Variants in KAT6A observed in about 807,000 individuals in gnomAD.
KAT6A encodes the protein histone acetyltransferase KAT6A.
Under a neutral mutation model 198.4 loss-of-function variants are expected in KAT6A, and 9 were observed. That is an observed-to-expected ratio of 0.05 (90% CI 0.03 to 0.08). The LOEUF (loss-of-function observed/expected upper bound fraction) is 0.08. Ranked by LOEUF, KAT6A falls within the 10% of genes least tolerant of loss-of-function variation. KAT6A has a pLI of 1.00. For synonymous variants in KAT6A, 890 were observed against 883.0 expected (o/e 1.01, Z -0.14); for missense variants, 2,077 against 2,509.9 (o/e 0.83, Z 3.69).
chr8:42,023,296 TA>T (rs1826639023), intron 2 of KAT6A, among the ~76,000 whole-genome samples: 1 of 152,124 alleles, frequency 6.6e-6, no homozygotes, highest in Non-Finnish European at 1.5e-5. Flanking sequence ...TACTATACAC[TA>T]ATACAAACTT....
Position 41,955,406 on chromosome 8 carries a change from A to G in KAT6A, c.1488T>C (p.Val496=), listed in dbSNP as rs749797033. 47 of 1,602,610 alleles carry G rather than the reference A, an allele frequency of 2.9e-5. No individual in the cohort carries two copies. Among genetic ancestry groups the G allele is most frequent in the Non-Finnish European group, 3.8e-5 (45 of 1,170,882 alleles). The change falls in exon 9 of 17, where the codon GTT becomes GTC. Residue 496 remains valine, a synonymous_variant. Transcript: ENST00000265713. ...GTGGATCAGGGGGACCAGTCACTCC[A>G]ACTTTCTGTGCAGTCAAGAAATACA... The part of the protein sequence containing the change: ...RDIQEQALQK[V]GVTGPPDPQV...
Position 41,943,793 on chromosome 8 carries a change from G to C in KAT6A, c.2183C>G (p.Thr728Ser). ...KLTGICPQDI[T>S]STLHHLRMLD... ...CATTCGTAGGTGGTGGAGTGTGGAA[G>C]TGATGTCTTGAGGGCAGATTCCAGT... The change falls in exon 13 of 17, where the codon ACT becomes AGT. Residue 728 changes from threonine to serine, a missense_variant. By Grantham distance (58) the Thr-to-Ser change is moderately conservative. Around this residue, in one of 13 missense-constraint regions of KAT6A, gnomAD observed 127 missense variants for 209.6 expected, o/e 0.61. Transcript: ENST00000265713. 6.2e-7 allele frequency: 1 copy of C among 1,613,956 alleles called. No individual in the cohort carries two copies. Among genetic ancestry groups the C allele is most frequent in the Middle Eastern group, 1.7e-4 (1 of 6,060 alleles).
At chr8:42,040,020 T>C (rs999030768) in intron 2 of KAT6A, among the ~76,000 whole-genome samples, 52 of 152,170 alleles carry the variant, frequency 3.4e-4, no homozygotes, top group African/African-American at 1.2e-3. Context: ...GTGCTGGGAT[T>C]ATAGGCGTGA....
At chr8:42,039,721 G>GTAT (rs1272403997) in intron 2 of KAT6A, among the ~76,000 whole-genome samples, 3 of 151,912 alleles carry the variant, frequency 2.0e-5, no homozygotes, top group East Asian at 1.9e-4. Flanking sequence ...ATGAAAACTT[G>GTAT]TATTATTATT....
intron 8 of KAT6A, chr8:41,957,409 T>C: frequency 2.5e-6 from 1 of 401,986 alleles, no homozygotes; most frequent in Non-Finnish European, 5.0e-6. Flanking sequence ...CTCATTCCAG[T>C]CCTAGCCAAA....
intron 7 of KAT6A, among the ~76,000 whole-genome samples, chr8:41,975,322 G>A: frequency 6.6e-6 from 1 of 151,972 alleles, no homozygotes; most frequent in East Asian, 1.9e-4. Context: ...TTACCCAGAT[G>A]ATAATCATCT....
intron 9 of KAT6A, among the ~76,000 whole-genome samples, chr8:41,950,578 A>G (rs7843105): frequency 0.67 from 102,066 of 152,086 alleles, 34,535 homozygotes; most frequent in African/African-American, 0.77. Flanking sequence ...TCATTTTGAG[A>G]GCTAAATATT....
At chr8:41,942,124 A>G (rs191179268) in intron 14 of KAT6A, 118 of 202,490 alleles carry the variant, frequency 5.8e-4, no homozygotes, top group Non-Finnish European at 9.4e-4. Context: ...AAGAGCTATA[A>G]AAGTATGCAT....
intron 11 of KAT6A, 30 bp downstream of exon 11, chr8:41,947,721 T>G (rs764780417): frequency 5.1e-6 from 8 of 1,564,364 alleles, no homozygotes; most frequent in Middle Eastern, 1.7e-4. Context: ...TCTATATGAG[T>G]TCAAACAAAC....
chr8:42,035,056 A>G (rs1471331777), intron 2 of KAT6A, among the ~76,000 whole-genome samples: 2 of 152,226 alleles, frequency 1.3e-5, no homozygotes, highest in Admixed American at 6.5e-5. Flanking sequence ...AGGAAAATCA[A>G]TGAAGAAACT....
chr8:41,937,278 A>ATCT lies in KAT6A; in HGVS notation c.3327_3329dup (p.Glu1109dup), dbSNP rs3837198. 6.2e-7 allele frequency: 1 copy of ATCT among 1,613,480 alleles called. No individual in the cohort carries two copies. Among genetic ancestry groups the ATCT allele is most frequent in the Non-Finnish European group, 8.5e-7 (1 of 1,179,678 alleles). ...TACCATCAGCATCATCTGACTCTTC[A>ATCT]TCTTCTTCTTCATCTTTAGACTTCC... On this transcript the variant is annotated inframe_insertion, in exon 16 of 17. Coordinates refer to ENST00000265713, the MANE Select transcript of KAT6A (RefSeq NM_006766.5).
chr8:41,995,131 T>TA (rs1825134095), intron 2 of KAT6A, among the ~76,000 whole-genome samples: 2 of 152,182 alleles, frequency 1.3e-5, no homozygotes, highest in South Asian at 4.1e-4. Context: ...ACTGAATAAT[T>TA]AATTGAATTA....
intron 2 of KAT6A, among the ~76,000 whole-genome samples, chr8:42,014,784 G>A (rs1301415039): frequency 6.6e-6 from 1 of 152,190 alleles, no homozygotes; most frequent in Admixed American, 6.5e-5. Context: ...ATACAAGGGA[G>A]GTAGAAACTG....
chr8:42,036,554 A>G (rs947684216), intron 2 of KAT6A, among the ~76,000 whole-genome samples: 1 of 152,168 alleles, frequency 6.6e-6, no homozygotes, highest in Non-Finnish European at 1.5e-5. Context: ...TGGAGGTTGC[A>G]GTGAGCAGAG....
intron 2 of KAT6A, among the ~76,000 whole-genome samples, chr8:42,020,089 T>C (rs60940455): frequency 0.1 from 15,749 of 152,244 alleles, 1,052 homozygotes; most frequent in East Asian, 0.24. Flanking sequence ...TTTAAACTAT[T>C]TTCATATCTT....
intron 8 of KAT6A, among the ~76,000 whole-genome samples, chr8:41,966,938 T>C (rs967252028): frequency 1.3e-5 from 2 of 152,180 alleles, no homozygotes; most frequent in Non-Finnish European, 2.9e-5. Context: ...GAACTAATAG[T>C]GTTGGTTTCC....
At chr8:41,988,310 A>G (rs1314959806) in intron 2 of KAT6A, among the ~76,000 whole-genome samples, 2 of 152,234 alleles carry the variant, frequency 1.3e-5, no homozygotes. Context: ...AAAAGAAAGA[A>G]GCTAGATAAG....
intron 2 of KAT6A, among the ~76,000 whole-genome samples, chr8:41,990,952 G>C (rs1008572465): frequency 6.2e-5 from 8 of 129,588 alleles, no homozygotes; most frequent in Non-Finnish European, 1.2e-4. Flanking sequence ...CCAAGATTGT[G>C]CCATTGCACT....
rs1172283820 is a variant in KAT6A at position 42,051,890 on chromosome 8, C to G, written c.-326+11G>C. 2 of 149,618 alleles carry G rather than the reference C, an allele frequency of 1.3e-5. No homozygotes were observed. The highest frequency in any genetic ancestry group is 4.0e-4 in the East Asian group (2 of 4,990). 9.3% of individuals were successfully genotyped at this position (149,618 alleles called of 1,614,324 possible). A position where few individuals can be genotyped will look rare whatever the true frequency, so the allele number is the denominator to read the frequency against. Reference sequence around the variant, plus strand: ...CCGGGGGCGGCCGGGAACGGCCCCTCGGCTACTTACCGGGAGGAAGGACAG... The same window carrying G: ...CCGGGGGCGGCCGGGAACGGCCCCTGGGCTACTTACCGGGAGGAAGGACAG... On this transcript the variant is annotated intron_variant, in intron 1 of 16. Transcript: ENST00000265713.
Sources: allele counts gnomAD v4.1 joint callset (sites outside exome capture counted in the v4.1 genomes callset), GRCh38; gene constraint gnomAD v4.1.1; regional missense constraint gnomAD v4.1.1; transcripts MANE v1.5; gene names NCBI Gene and HGNC (gene_info 2026-07-23, HGNC 2026-07-21).